SLFN14: variants seen among roughly 807,000 people sequenced by gnomAD.
SLFN14 encodes the protein schlafen family member 14.
A neutral mutation model predicts 58.6 loss-of-function variants in SLFN14; 47 were observed. The observed-to-expected ratio is 0.80, with a 90% CI of 0.64 to 1.02. SLFN14 has a LOEUF of 1.02. Ranked by LOEUF, SLFN14 falls within the 50% of genes least tolerant of loss-of-function variation. SLFN14 has a pLI of 0.00. For synonymous variants in SLFN14, 390 were observed against 387.3 expected, an observed-to-expected ratio of 1.01 and a Z score of -0.08; for missense variants, 967 against 1,078.4, an observed-to-expected ratio of 0.90 and a Z score of 1.45.
Position 35,557,744 on chromosome 17 carries a change from T to C in SLFN14, c.319A>G (p.Ile107Val), listed in dbSNP as rs1430627743. The C allele has an allele frequency of 1.9e-6, 3 of 1,551,684 alleles. No individual in the cohort carries two copies. ...TCTGGGCTCCATGACTTCACAAAAA[T>C]CAGGAGATTGTGCCCCTGCTGCATG... is the stretch of plus-strand genomic sequence containing the variant. ...DYMQQGHNLL[I>V]FVKSWSPDVF... Residue 107 changes from isoleucine to valine, a missense_variant, in exon 3 of 6, where the codon ATT becomes GTT. By Grantham distance (29) the Ile-to-Val change is conservative. Transcript: ENST00000674182.
rs1399580981 is a variant in SLFN14 at position 35,557,530 on chromosome 17, T to G, written c.533A>C (p.Gln178Pro). 1 of 1,551,564 alleles carries G rather than the reference T, an allele frequency of 6.4e-7. No homozygotes were observed. Among genetic ancestry groups the G allele is most frequent in the Non-Finnish European group, 8.7e-7 (1 of 1,147,002 alleles). Residue 178 changes from glutamine (Q) to proline (P), a missense_variant, in exon 3 of 6, where the codon CAG becomes CCG. Transcript: ENST00000674182. ...CAATATCCTCATATCTTCCTCTTCCTGAATGCATCTATTGAGAACCTGCTG... is the reference window on the plus strand; with the variant it reads ...CAATATCCTCATATCTTCCTCTTCCGGAATGCATCTATTGAGAACCTGCTG... Reference protein sequence around the residue: ...HPQQVLNRCIQEEEDMRILAS... With the variant: ...HPQQVLNRCIPEEEDMRILAS...
In SLFN14 at chr17:35,553,222, G is replaced by A; in HGVS notation, c.1412C>T (p.Thr471Ile). 1 of 1,551,694 alleles carries A rather than the reference G, an allele frequency of 6.4e-7. No homozygotes were observed. Reference protein sequence around the residue: ...IAVNSPVVLYTILIDPNWPGG... With the variant: ...IAVNSPVVLYIILIDPNWPGG... ...AGGCCAATTGGGGTCTATTAAGATTGTATAGAGTACCACGGGGCTGTTAAC... is the reference window on the plus strand; with the variant it reads ...AGGCCAATTGGGGTCTATTAAGATTATATAGAGTACCACGGGGCTGTTAAC... Residue 471 changes from threonine (T) to isoleucine (I), a missense_variant, in exon 5 of 6, where the codon ACA becomes ATA. Transcript: ENST00000674182.
In SLFN14 at chr17:35,552,837, C is replaced by T. The variant is rs770897740; in HGVS notation, c.1797G>A (p.Lys599=). ...LFIYCFPGVR[K]TALAIKIMEK... ...CCATGATCTTTATGGCTAGGGCTGT[C>T]TTCCTGACTCCTGGAAAGCAGTAGA... Residue 599 remains lysine, a synonymous_variant, in exon 5 of 6, where the codon AAG becomes AAA. Transcript: ENST00000674182. 1 of 1,551,288 alleles carries T rather than the reference C, an allele frequency of 6.4e-7. No homozygotes were observed. Among genetic ancestry groups the T allele is most frequent in the South Asian group, 1.2e-5 (1 of 84,056 alleles).
Position 35,545,388 on chromosome 17 carries a change from G to A in SLFN14, c.*2851C>T, listed in dbSNP as rs11080354. On this transcript the variant is annotated 3_prime_UTR_variant, in exon 6 of 6. Transcript: ENST00000674182. ...TGACTCATCCTCTTACTCTCAAGGAGCTCACAGTCTTAATAGGAAGAGAAA... is the reference window on the plus strand; with the variant it reads ...TGACTCATCCTCTTACTCTCAAGGAACTCACAGTCTTAATAGGAAGAGAAA... 0.25 allele frequency among the ~76,000 whole-genome samples: 38,508 copies of A among 152,114 alleles called. 5,110 individuals are homozygous for A. The highest frequency in any genetic ancestry group is 0.4 in the Middle Eastern group (117 of 294).
In SLFN14 at chr17:35,557,972, T is replaced by A; in HGVS notation, c.91A>T (p.Lys31Ter). 1 of 1,551,662 alleles carries A rather than the reference T, an allele frequency of 6.4e-7. No homozygotes were observed. The highest frequency in any genetic ancestry group is 1.4e-5 in the African/African-American group (1 of 73,164). ...CTTTTCAAACAGCTGTTGGTCATCT[T>A]CTTCCTGTTTTCTTCTCCAAAAATC... The part of the protein sequence containing the change: ...RVIFGEENRK[K>*]MTNSCLKRSE... The change falls in exon 3 of 6, where the codon AAG (lysine) becomes TAG (stop). Residue 31 changes from lysine (K) to a stop codon, truncating the protein, a stop_gained. Coordinates refer to ENST00000674182, the MANE Select transcript of SLFN14 (RefSeq NM_001129820.2). LOFTEE classifies it high-confidence loss of function.
At chr17:35,555,860 C>T (rs1597909670) in intron 3 of SLFN14, among the ~76,000 whole-genome samples, 2 of 152,138 alleles carry the variant, frequency 1.3e-5, no homozygotes, top group African/African-American at 4.8e-5. Context: ...CTCCCCCCAG[C>T]ACCCCCTTGC....
In SLFN14 at chr17:35,552,942, G is replaced by A; in HGVS notation, c.1692C>T (p.Gly564=). The A allele has an allele frequency of 6.4e-7, 1 of 1,551,548 alleles. No homozygotes were observed. Among genetic ancestry groups the A allele is most frequent in the Non-Finnish European group, 8.7e-7 (1 of 1,146,974 alleles). The part of the protein sequence containing the change: ...SSRSLLSDQM[G]CEFFNLLIME... Reference sequence around the variant, plus strand: ...TTATGAGCAAGTTGAAAAATTCACAGCCCATCTGGTCACTCAGAAGAGATC... The same window carrying A: ...TTATGAGCAAGTTGAAAAATTCACAACCCATCTGGTCACTCAGAAGAGATC... Residue 564 remains glycine (G), a synonymous_variant, in exon 5 of 6, where the codon GGC becomes GGT. Coordinates refer to ENST00000674182, the MANE Select transcript of SLFN14 (RefSeq NM_001129820.2).
Position 35,557,325 on chromosome 17 carries a change from C to A in SLFN14, c.738G>T (p.Gly246=), listed in dbSNP as rs532318792. The A allele has an allele frequency of 3.2e-6, 5 of 1,551,544 alleles. No individual in the cohort carries two copies. Among genetic ancestry groups the A allele is most frequent in the Non-Finnish European group, 4.4e-6 (5 of 1,146,988 alleles). ...ANTQGGYVLI[G]VDDKSKEVVG... is the part of the protein sequence containing the mutation. ...CCACTTCTTTGCTCTTATCATCCACCCCAATGAGGACATATCCCCCTTGAG... is the reference window on the plus strand; with the variant it reads ...CCACTTCTTTGCTCTTATCATCCACACCAATGAGGACATATCCCCCTTGAG... The change falls in exon 3 of 6, where the codon GGG becomes GGT. Residue 246 remains glycine (G), a synonymous_variant. Transcript: ENST00000674182.
At chr17:35,553,955 G>A (rs2072623665) in intron 4 of SLFN14, among the ~76,000 whole-genome samples, 2 of 151,962 alleles carry the variant, frequency 1.3e-5, no homozygotes, top group South Asian at 4.2e-4. Context: ...ATTTTTTATT[G>A]TCACAATTGG....
chr17:35,557,811 A>T lies in SLFN14; in HGVS notation c.252T>A (p.Phe84Leu), dbSNP rs1249973955. ...HGLGQDLETS[F>L]QKLLPSGSQK... ...GTGAACCTGAAGGAAGGAGCTTTTG[A>T]AAAGAAGTTTCCAAATCCTGTCCCA... The change falls in exon 3 of 6, where the codon TTT becomes TTA. Residue 84 changes from phenylalanine (F) to leucine (L), a missense_variant. By Grantham distance (22) the Phe-to-Leu change is conservative (BLOSUM62 0). Coordinates refer to ENST00000674182, the MANE Select transcript of SLFN14 (RefSeq NM_001129820.2). 4 of 1,551,608 alleles carry T rather than the reference A, an allele frequency of 2.6e-6. No individual in the cohort carries two copies. The East Asian group carries it at 7.3e-5, about 28-fold the overall frequency.
rs775036037 is a variant in SLFN14, at chr17:35,546,378, A to C, written c.*1861T>G. The stretch of plus-strand genomic sequence containing the variant: ...AGGTTTTTCTTTTCAACCCGTGCCT[A>C]GGTACAGACTAGCCCTTCTAATGGG... On this transcript the variant is annotated 3_prime_UTR_variant, in exon 6 of 6. Transcript: ENST00000674182. Among the ~76,000 whole-genome samples the C allele has an allele frequency of 3.9e-5, 6 of 152,206 alleles. No homozygotes were observed. The highest frequency in any genetic ancestry group is 8.8e-5 in the Non-Finnish European group (6 of 68,032).
intron 2 of SLFN14, among the ~76,000 whole-genome samples, chr17:35,558,815 A>AGC (rs1247637964): frequency 6.6e-6 from 1 of 152,142 alleles, no homozygotes; most frequent in Non-Finnish European, 1.5e-5. Context: ...TTGAAGTGAG[A>AGC]AGATGCTCTT....
In SLFN14 at chr17:35,552,866, A is replaced by G; in HGVS notation, c.1768T>C (p.Phe590Leu). Reference protein sequence around the residue: ...SESLQKTRELFIYCFPGVRKT... With the variant: ...SESLQKTRELLIYCFPGVRKT... ...CTGACTCCTGGAAAGCAGTAGATGAATAATTCACGTGTCTTCTGAAGACTC... is the reference window on the plus strand; with the variant it reads ...CTGACTCCTGGAAAGCAGTAGATGAGTAATTCACGTGTCTTCTGAAGACTC... Residue 590 changes from phenylalanine to leucine, a missense_variant, in exon 5 of 6, where the codon TTC becomes CTC. Coordinates refer to ENST00000674182, the MANE Select transcript of SLFN14 (RefSeq NM_001129820.2). 1 of 1,551,496 alleles carries G rather than the reference A, an allele frequency of 6.4e-7. No individual in the cohort carries two copies. The highest frequency in any genetic ancestry group is 2.4e-5 in the East Asian group (1 of 40,906).
In SLFN14 at chr17:35,553,461, T is replaced by C. The variant is rs1418310232; in HGVS notation, c.1190-17A>G. The C allele has an allele frequency of 5.3e-6, 8 of 1,501,330 alleles. No homozygotes were observed. The highest frequency in any genetic ancestry group is 2.8e-5 in the African/African-American group (2 of 70,628). The allele number at this position is 1,501,330 out of a possible 1,614,324, so 93.0% of individuals were successfully genotyped here. A position where few individuals can be genotyped will look rare whatever the true frequency, so the allele number is the denominator to read the frequency against. On this transcript the variant is annotated splice_polypyrimidine_tract_variant and intron_variant, in intron 4 of 5. Transcript: ENST00000674182. ...CCTGTGTCACTGAAAATTCAAGGAA[T>C]AGATGTTACCAAAACTTACAAAAGC...
In SLFN14 at chr17:35,548,506, GTCC is replaced by G. The variant is rs1567707131; in HGVS notation, c.2469_2471del (p.Glu823del). On this transcript the variant is annotated inframe_deletion, in exon 6 of 6. Coordinates refer to ENST00000674182, the MANE Select transcript of SLFN14 (RefSeq NM_001129820.2). ...GTAGTGCAAGCCTATAGCGTCCTCT[GTCC>G]TCCCCTCTCCTGCACAGAATTGCTA... 1 of 1,551,712 alleles carries G rather than the reference GTCC, an allele frequency of 6.4e-7. No homozygotes were observed. The highest frequency in any genetic ancestry group is 1.2e-5 in the South Asian group (1 of 84,066).
At chr17:35,551,205 C>T (rs9904644) in intron 5 of SLFN14, among the ~76,000 whole-genome samples, 13,440 of 152,242 alleles carry the variant, frequency 0.088, 653 homozygotes, top group East Asian at 0.15. Context: ...AACTAAGGCA[C>T]TGCAAAAACT....
intron 1 of SLFN14, among the ~76,000 whole-genome samples, 57 bp from the exon 2 acceptor site, chr17:35,559,862 A>G (rs1429171766): frequency 6.6e-6 from 1 of 152,232 alleles, no homozygotes; most frequent in Non-Finnish European, 1.5e-5. Flanking sequence ...AGCCTCTTCT[A>G]TAGGTACATG....
At chr17:35,551,315 T>A (rs1445837979) in intron 5 of SLFN14, among the ~76,000 whole-genome samples, 1 of 152,196 alleles carries the variant, frequency 6.6e-6, no homozygotes, top group Non-Finnish European at 1.5e-5. Context: ...ATCAGGTGGG[T>A]AACTCTTCCC....
rs2072555539 is a variant in SLFN14, at chr17:35,548,668, A to C, written c.2310T>G (p.Tyr770Ter). ...GAGCCTGGGCACACGTTGCTTCCTC[A>C]TAGGCAGTCTCGCTGAACAATGCTA... ...DTLALFSETA[Y>*]EEATCAQALP... The change falls in exon 6 of 6, where the codon TAT (tyrosine) becomes TAG (stop). Residue 770 changes from tyrosine (Y) to a stop codon, truncating the protein, a stop_gained. Transcript: ENST00000674182. LOFTEE classifies it low-confidence loss of function (END_TRUNC). 4 of 1,551,616 alleles carry C rather than the reference A, an allele frequency of 2.6e-6. No individual in the cohort carries two copies. The South Asian group carries it at 3.6e-5, about 14-fold the overall frequency.
Sources: gnomAD v4.1 joint callset for allele counts (sites outside exome capture counted in the v4.1 genomes callset) on GRCh38, gnomAD v4.1.1 for gene constraint, MANE v1.5 for transcripts, NCBI Gene and HGNC (gene_info 2026-07-23, HGNC 2026-07-21) for gene names.